Variants in IGFBP5 observed in about 807,000 individuals in gnomAD.
IGFBP5 encodes the protein insulin-like growth factor-binding protein 5.
A neutral mutation model predicts 28.0 loss-of-function variants in IGFBP5; 12 were observed. That is an observed-to-expected ratio of 0.43 (90% confidence interval 0.27 to 0.69). The LOEUF (loss-of-function observed/expected upper bound fraction) is 0.69. Among genes scored for constraint, IGFBP5 ranks in the 30% least tolerant of loss-of-function variants. The pLI is 0.20. For missense variants in IGFBP5, 344 were observed against 381.6 expected, an observed-to-expected ratio of 0.90 and a Z score of 0.82; for synonymous variants, 152 against 150.2, an observed-to-expected ratio of 1.01 and a Z score of -0.09.
Position 216,674,930 on chromosome 2 carries a change from T to C in IGFBP5, c.*1821A>G, listed in dbSNP as rs941805730. The C allele has an allele frequency of 7.9e-5, 12 of 152,200 alleles. No individual in the cohort carries two copies. The highest frequency in any genetic ancestry group is 2.7e-4 in the African/African-American group (11 of 41,450). The allele number at this position is 152,200 out of a possible 1,614,324, so 9.4% of individuals were successfully genotyped here. On this transcript the variant is annotated 3_prime_UTR_variant, in exon 4 of 4. Coordinates refer to ENST00000233813, the MANE Select transcript of IGFBP5 (RefSeq NM_000599.4). The surrounding 1 kb of genome is among the most constrained non-coding windows in gnomAD (Gnocchi z 4.4). ...ATGGCCAGTTTAGACTGATTCTTCC[T>C]ATCTGGCTTCTAAAGTCTAGCACCC... is the stretch of plus-strand genomic sequence containing the variant.
chr2:216,676,718 GA>G lies in IGFBP5; in HGVS notation c.*32del, dbSNP rs745486231. The G allele has an allele frequency of 2.0e-6, 3 of 1,480,418 alleles. No individual in the cohort carries two copies. Among genetic ancestry groups the G allele is most frequent in the Non-Finnish European group, 2.8e-6 (3 of 1,083,510 alleles). The allele number at this position is 1,480,418 out of a possible 1,614,324, so 91.7% of individuals were successfully genotyped here. On this transcript the variant is annotated 3_prime_UTR_variant, in exon 4 of 4. Coordinates refer to ENST00000233813, the MANE Select transcript of IGFBP5 (RefSeq NM_000599.4). ...TGGCTGGAGTCGGGGCTGGGGGTGG[GA>G]GGGGGTGAGGGAAAGGTTGGGGGGG... is the stretch of plus-strand genomic sequence containing the variant.
chr2:216,695,055 GAAA>G lies in IGFBP5; in HGVS notation c.-283_-281del, dbSNP rs1689152369. The G allele has an allele frequency of 9.0e-6, 3 of 332,724 alleles. No homozygotes were observed. Among genetic ancestry groups the G allele is most frequent in the Non-Finnish European group, 1.1e-5 (2 of 184,608 alleles). 20.6% of individuals were successfully genotyped at this position (332,724 alleles called of 1,614,324 possible). ...GTGCACGCAGTGAGCGGAGGCCGGA[GAAA>G]CCCTCAAGCCTGAGCGGGTCAGAAT... On this transcript the variant is annotated 5_prime_UTR_variant, in exon 1 of 4. Coordinates refer to ENST00000233813, the MANE Select transcript of IGFBP5 (RefSeq NM_000599.4).
In IGFBP5 at chr2:216,676,747, C is replaced by A; in HGVS notation, c.*4G>T. Reference sequence around the variant, plus strand: ...GGGTGAGGGAAAGGTTGGGGGGGGACGCATCACTCAACGTTGCTGCTGTCG... The same window carrying A: ...GGGTGAGGGAAAGGTTGGGGGGGGAAGCATCACTCAACGTTGCTGCTGTCG... On this transcript the variant is annotated 3_prime_UTR_variant, in exon 4 of 4. Coordinates refer to ENST00000233813, the MANE Select transcript of IGFBP5 (RefSeq NM_000599.4). The A allele has an allele frequency of 6.2e-7, 1 of 1,609,664 alleles. No individual in the cohort carries two copies. The highest frequency in any genetic ancestry group is 8.5e-7 in the Non-Finnish European group (1 of 1,177,606).
Position 216,694,750 on chromosome 2 carries a change from A to T in IGFBP5, c.26T>A (p.Leu9Gln). 3 of 1,436,580 alleles carry T rather than the reference A, an allele frequency of 2.1e-6. No individual in the cohort carries two copies. Among genetic ancestry groups the T allele is most frequent in the Non-Finnish European group, 1.8e-6 (2 of 1,099,222 alleles). 89.0% of individuals were successfully genotyped at this position (1,436,580 alleles called of 1,614,324 possible). A position where few individuals can be genotyped will look rare whatever the true frequency, so the allele number is the denominator to read the frequency against. Residue 9 changes from leucine (L) to glutamine (Q), a missense_variant, in exon 1 of 4, where the codon CTG becomes CAG. Physicochemically the swap from Leu to Gln is moderately radical, Grantham distance 113 (BLOSUM62 -2). Coordinates refer to ENST00000233813, the MANE Select transcript of IGFBP5 (RefSeq NM_000599.4). The surrounding 1 kb of genome is among the most constrained non-coding windows in gnomAD (Gnocchi z 5.2). MVLLTAVL[L>Q]LLAAYAGPAQ... ...CGGCCCCGCATAGGCGGCCAGCAGC[A>T]GGAGGACCGCGGTGAGCAACACCAT...
At chr2:216,691,469 G>A (rs1385901743) in intron 1 of IGFBP5, among the ~76,000 whole-genome samples, 1 of 152,112 alleles carries the variant, frequency 6.6e-6, no homozygotes, top group African/African-American at 2.4e-5. Flanking sequence ...TATTTACTGA[G>A]CTTTGCCCAT....
At chr2:216,687,170 C>T (rs963228555) in intron 1 of IGFBP5, among the ~76,000 whole-genome samples, 4 of 152,142 alleles carry the variant, frequency 2.6e-5, no homozygotes, top group Middle Eastern at 3.2e-3. Context: ...AGTGTTGGCT[C>T]GACCTTTGTC....
At chr2:216,691,961 G>A (rs1689103385) in intron 1 of IGFBP5, among the ~76,000 whole-genome samples, 1 of 151,050 alleles carries the variant, frequency 6.6e-6, no homozygotes, top group Non-Finnish European at 1.5e-5. Flanking sequence ...GAGGGAGGTA[G>A]GAGGTGTGTT....
chr2:216,691,513 T>TC (rs1559189173), intron 1 of IGFBP5, among the ~76,000 whole-genome samples: 1 of 152,170 alleles, frequency 6.6e-6, no homozygotes, highest in African/African-American at 2.4e-5. Flanking sequence ...CCCTCCAGCC[T>TC]CACACACATT....
rs1024232247 is a variant in IGFBP5 at position 216,684,676 on chromosome 2, G to A, written c.338-5597C>T. On this transcript the variant is annotated intron_variant, in intron 1 of 3. Coordinates refer to ENST00000233813, the MANE Select transcript of IGFBP5 (RefSeq NM_000599.4). ...GGAATTTAAACAGCCAACTTCTTAC[G>A]GGCAGAGCTTTGTCATTTCTCTTTG... Among the ~76,000 whole-genome samples the A allele has an allele frequency of 5.9e-5, 9 of 152,304 alleles. No homozygotes were observed. The South Asian group carries it at 1.0e-3, about 18-fold the overall frequency.
rs576348244 is a variant in IGFBP5 at position 216,679,367 on chromosome 2, C to G, written c.338-288G>C. Among the ~76,000 whole-genome samples the G allele has an allele frequency of 6.6e-6, 1 of 152,034 alleles. No homozygotes were observed. The highest frequency in any genetic ancestry group is 6.5e-5 in the Admixed American group (1 of 15,270). ...AGACTGACAGACTGATGGGTGAGGACGGAGCAGGCCTTCTGGGGGCAGTAA... is the reference window on the plus strand; with the variant it reads ...AGACTGACAGACTGATGGGTGAGGAGGGAGCAGGCCTTCTGGGGGCAGTAA... On this transcript the variant is annotated intron_variant, in intron 1 of 3. Coordinates refer to ENST00000233813, the MANE Select transcript of IGFBP5 (RefSeq NM_000599.4). This position sits in a 1 kb window ranked among gnomAD's most constrained non-coding sequence, Gnocchi z 4.6.
chr2:216,684,529 C>G (rs1400749585), intron 1 of IGFBP5, among the ~76,000 whole-genome samples: 2 of 152,138 alleles, frequency 1.3e-5, no homozygotes, highest in Non-Finnish European at 2.9e-5. Context: ...CCACCCAGAC[C>G]TGGGGAGATT....
rs148981948 is a variant in IGFBP5 at position 216,678,165 on chromosome 2, G to A, written c.634C>T (p.Arg212Cys). The A allele has an allele frequency of 8.1e-4, 1,289 of 1,595,442 alleles. 1 individual carries two copies. The highest frequency in any genetic ancestry group is 9.9e-4 in the Non-Finnish European group (1,159 of 1,168,562). The stretch of plus-strand genomic sequence containing the variant: ...TCACAATTGGGCAGGTACACAGCAC[G>A]GGGCACCATGCGTGGGCTGGCTTTG... The part of the protein sequence containing the change: ...ELKASPRMVP[R>C]AVYLPNCDRK... Residue 212 changes from arginine (R) to cysteine (C), a missense_variant, in exon 3 of 4, where the codon CGT becomes TGT. Arg to Cys is a radical substitution (Grantham distance 180). Transcript: ENST00000233813.
rs1015085649 is a variant in IGFBP5, at chr2:216,675,961, T to C, written c.*790A>G. 2 of 152,562 alleles carry C rather than the reference T, an allele frequency of 1.3e-5. No individual in the cohort carries two copies. Among genetic ancestry groups the C allele is most frequent in the African/African-American group, 4.8e-5 (2 of 41,442 alleles). 9.5% of individuals were successfully genotyped at this position (152,562 alleles called of 1,614,324 possible). On this transcript the variant is annotated 3_prime_UTR_variant, in exon 4 of 4. Transcript: ENST00000233813. ...TCCAATATTGGGGCATGTATTGATT[T>C]CTAAAAAATGTCTGCCTGGGGAATG...
intron 3 of IGFBP5, among the ~76,000 whole-genome samples, chr2:216,677,649 A>C (rs964957864): frequency 6.6e-6 from 1 of 152,144 alleles, no homozygotes; most frequent in African/African-American, 2.4e-5. Context: ...ACCAATCAGA[A>C]ACTGCAGGGG....
Position 216,694,290 on chromosome 2 carries a change from C to G in IGFBP5, c.337+149G>C. On this transcript the variant is annotated intron_variant, in intron 1 of 3. Transcript: ENST00000233813. This position sits in a 1 kb window ranked among gnomAD's most constrained non-coding sequence, Gnocchi z 5.2. ...CCGGGTAGCAGGATCCTCCAGGGCT[C>G]CAATTCCGGGGTGCAAGGACCCTCC... 1.6e-6 allele frequency: 1 copy of G among 624,450 alleles called. No individual in the cohort carries two copies. The highest frequency in any genetic ancestry group is 2.6e-6 in the Non-Finnish European group (1 of 379,202). The allele number at this position is 624,450 out of a possible 1,614,324, so 38.7% of individuals were successfully genotyped here. A position where few individuals can be genotyped will look rare whatever the true frequency, so the allele number is the denominator to read the frequency against.
Position 216,694,425 on chromosome 2 carries a change from C to A in IGFBP5, c.337+14G>T. 6.6e-7 allele frequency: 1 copy of A among 1,510,088 alleles called. No homozygotes were observed. Among genetic ancestry groups the A allele is most frequent in the Non-Finnish European group, 8.8e-7 (1 of 1,131,444 alleles). 93.5% of individuals were successfully genotyped at this position (1,510,088 alleles called of 1,614,324 possible). A position where few individuals can be genotyped will look rare whatever the true frequency, so the allele number is the denominator to read the frequency against. On this transcript the variant is annotated intron_variant, in intron 1 of 3. Coordinates refer to ENST00000233813, the MANE Select transcript of IGFBP5 (RefSeq NM_000599.4). The surrounding 1 kb of genome is among the most constrained non-coding windows in gnomAD (Gnocchi z 5.2). The stretch of plus-strand genomic sequence containing the variant: ...GTGCGCCGCGTAACTGACTGGCACA[C>A]TGAGCGCGCTCACCGATCTTGACTT...
intron 1 of IGFBP5, among the ~76,000 whole-genome samples, chr2:216,683,273 T>C (rs553628527): frequency 1.2e-4 from 18 of 151,786 alleles, no homozygotes; most frequent in African/African-American, 4.4e-4. Flanking sequence ...AGGTAGGAGG[T>C]TGGAGATTGG....
rs1464446082 is a variant in IGFBP5 at position 216,672,468 on chromosome 2, TA to T, written c.*4282del. ...AACAGAGTTATGGTATGAATGTATG[TA>T]AAACTATAGAGAACTACAGTAATAT... On this transcript the variant is annotated 3_prime_UTR_variant, in exon 4 of 4. Coordinates refer to ENST00000233813, the MANE Select transcript of IGFBP5 (RefSeq NM_000599.4). 5 of 151,458 alleles carry T rather than the reference TA, an allele frequency of 3.3e-5. No homozygotes were observed. The South Asian group carries it at 6.3e-4, about 19-fold the overall frequency. The allele number at this position is 151,458 out of a possible 1,614,324, so 9.4% of individuals were successfully genotyped here. A position where few individuals can be genotyped will look rare whatever the true frequency, so the allele number is the denominator to read the frequency against.
intron 1 of IGFBP5, among the ~76,000 whole-genome samples, chr2:216,680,158 C>T (rs1338650535): frequency 6.6e-6 from 1 of 152,014 alleles, no homozygotes; most frequent in East Asian, 1.9e-4. Context: ...GCCAGGATGC[C>T]TCACAGTGGG....
Sources: allele counts gnomAD v4.1 joint callset (sites outside exome capture counted in the v4.1 genomes callset), GRCh38; gene constraint gnomAD v4.1.1; non-coding constraint Gnocchi (gnomAD v3.1); transcripts MANE v1.5; gene names NCBI Gene and HGNC (gene_info 2026-07-23, HGNC 2026-07-21).